Variants in CELF2 observed in about 807,000 individuals in gnomAD.
CELF2 encodes CUGBP Elav-like family member 2.
CELF2 carries 8 observed loss-of-function variants against 62.6 expected under a neutral mutation model. The ratio of observed to expected loss-of-function variants is 0.13; its 90% CI spans 0.07 to 0.23. CELF2 has a LOEUF of 0.23. Ranked by LOEUF, CELF2 falls within the 10% of genes least tolerant of loss-of-function variation. The pLI is 1.00. For missense variants in CELF2, 333 were observed against 671.0 expected, an observed-to-expected ratio of 0.50 and a Z score of 5.56; for synonymous variants, 258 against 250.0, an observed-to-expected ratio of 1.03 and a Z score of -0.30.
chr10:10,804,719 C>T (rs1225610854), intron 1 of CELF2, among the ~76,000 whole-genome samples: 1 of 152,182 alleles, frequency 6.6e-6, no homozygotes, highest in African/African-American at 2.4e-5. Flanking sequence ...AAACAGCACA[C>T]GTTGATGGGA....
At chr10:11,127,886 T>G (rs545625840) in intron 1 of CELF2, among the ~76,000 whole-genome samples, 2 of 152,246 alleles carry the variant, frequency 1.3e-5, no homozygotes, top group Non-Finnish European at 2.9e-5. Flanking sequence ...CTTAGTTTAA[T>G]TAGATCCCAT....
At position 11,321,399 on chromosome 10, in the gene CELF2, C is replaced by G. The variant is rs1565981942; in HGVS notation, c.1294+13C>G. The stretch of plus-strand genomic sequence containing the variant: ...AGCCAGAAGGAAGGTAGGTGCCGCC[C>G]TTGGCCCCAGGCAGGGCCCAGCCCA... On this transcript the variant is annotated intron_variant, in intron 11 of 12. Coordinates refer to ENST00000633077, the MANE Select transcript of CELF2 (RefSeq NM_001326342.2). This position sits in a 1 kb window ranked among gnomAD's most constrained non-coding sequence, Gnocchi z 6.2. 5 of 1,600,302 alleles carry G rather than the reference C, an allele frequency of 3.1e-6. No homozygotes were observed. The highest frequency in any genetic ancestry group is 1.1e-5 in the South Asian group (1 of 90,902).
At chr10:10,694,841 CTT>C in the CELF2 span, among the ~76,000 whole-genome samples, 1 of 151,408 alleles carries the variant, frequency 6.6e-6, no homozygotes, top group Admixed American at 6.6e-5. Flanking sequence ...CAACCCCTGC[CTT>C]TTTTTGTTTT....
chr10:10,778,674 T>C, the CELF2 span, among the ~76,000 whole-genome samples: 19 of 152,348 alleles, frequency 1.2e-4, no homozygotes, highest in African/African-American at 4.6e-4. Flanking sequence ...GCTAATAGCA[T>C]TGATTCTGGT....
rs947815677 is a variant in CELF2 at position 11,008,653 on chromosome 10, G to T, written c.53+3213G>T. On this transcript the variant is annotated intron_variant, in intron 1 of 12. Transcript: ENST00000416382. The surrounding 1 kb of genome is among the most constrained non-coding windows in gnomAD (Gnocchi z 4.5). ...TCATTGAGCACAGCCATGGAAACAC[G>T]CAGGTTCTTGGAAAGAAAGTAAAAT... Among the ~76,000 whole-genome samples the T allele has an allele frequency of 2.0e-5, 3 of 152,176 alleles. No homozygotes were observed. The highest frequency in any genetic ancestry group is 4.4e-5 in the Non-Finnish European group (3 of 68,036).
chr10:11,203,954 C>A (rs1056027864), intron 2 of CELF2, among the ~76,000 whole-genome samples: 2 of 152,156 alleles, frequency 1.3e-5, no homozygotes, highest in African/African-American at 4.8e-5. Context: ...TCTGAGCCTC[C>A]AACTGAAAGG....
the CELF2 span, among the ~76,000 whole-genome samples, chr10:10,619,122 T>C: frequency 6.6e-6 from 1 of 152,230 alleles, no homozygotes; most frequent in Non-Finnish European, 1.5e-5. Context: ...CTTTTCCTAT[T>C]GGCACAGCTG....
intron 1 of CELF2, among the ~76,000 whole-genome samples, chr10:10,910,613 T>A (rs1411603946): frequency 6.9e-6 from 1 of 144,978 alleles, no homozygotes; most frequent in East Asian, 2.1e-4. Flanking sequence ...GGCAAGAGAA[T>A]CGCTTGAACC....
intron 7 of CELF2, among the ~76,000 whole-genome samples, chr10:11,274,058 A>G (rs2085020260): frequency 1.3e-5 from 2 of 148,606 alleles, no homozygotes; most frequent in African/African-American, 5.0e-5. Context: ...TAAAATAGTG[A>G]ATTAATCTTG....
intron 3 of CELF2, among the ~76,000 whole-genome samples, chr10:11,222,194 A>C (rs2065065981): frequency 6.6e-6 from 1 of 152,186 alleles, no homozygotes; most frequent in Non-Finnish European, 1.5e-5. Context: ...ACTGGGGCCA[A>C]ATTTCATTTG....
At chr10:11,303,560 G>A (rs946649924) in intron 9 of CELF2, among the ~76,000 whole-genome samples, 3 of 152,182 alleles carry the variant, frequency 2.0e-5, no homozygotes, top group African/African-American at 4.8e-5. Flanking sequence ...AGACATCAGT[G>A]CCGCCTTCTT....
At chr10:10,999,829 A>T (rs2054343275) in intron 2 of CELF2, among the ~76,000 whole-genome samples, 1 of 152,222 alleles carries the variant, frequency 6.6e-6, no homozygotes, top group Non-Finnish European at 1.5e-5. Context: ...CTAGGAAAGG[A>T]AGATCCCCAA....
rs139285833 is a variant in CELF2, at chr10:10,888,215, A to G, written c.54-31749A>G. Reference sequence around the variant, plus strand: ...GGACAAGAGATGTAAATGGTGAAAAATCACCTTGGGTTAGATGGGAGCAGA... The same window carrying G: ...GGACAAGAGATGTAAATGGTGAAAAGTCACCTTGGGTTAGATGGGAGCAGA... On this transcript the variant is annotated intron_variant, in intron 1 of 13. Transcript: ENST00000636488. Among the ~76,000 whole-genome samples the G allele has an allele frequency of 1.2e-3, 187 of 152,356 alleles. 1 individual carries two copies. Among genetic ancestry groups the G allele is most frequent in the Non-Finnish European group, 1.9e-3 (127 of 68,036 alleles).
chr10:11,301,495 CCCCCCACCCCGCTCCCACAGCA>C (rs1183267316), intron 9 of CELF2, among the ~76,000 whole-genome samples: 902 of 54,882 alleles, frequency 0.016, 52 homozygotes, highest in African/African-American at 0.071. Context: ...CCTACCGCAC[CCCCCCACCCCGCTCCCACAGCA>C]CCCCCCACCC....
intron 1 of CELF2, among the ~76,000 whole-genome samples, chr10:11,109,769 TG>T (rs1368336198): frequency 1.7e-4 from 26 of 152,206 alleles, no homozygotes; most frequent in Non-Finnish European, 4.4e-5. Context: ...GCAACGCTTG[TG>T]CTCTGCAGGC....
the CELF2 span, among the ~76,000 whole-genome samples, chr10:10,732,468 T>A: frequency 6.6e-6 from 1 of 151,808 alleles, no homozygotes; most frequent in Admixed American, 6.6e-5. Flanking sequence ...TCAGAGTGGA[T>A]GTTCACTTTG....
At chr10:10,771,533 A>G in the CELF2 span, among the ~76,000 whole-genome samples, 2 of 152,090 alleles carry the variant, frequency 1.3e-5, no homozygotes, top group South Asian at 4.1e-4. Context: ...CATAATTCCT[A>G]TGTATTGTGG....
chr10:11,288,595 G>A, intron 9 of CELF2, 43 bp downstream of exon 9: 1 of 1,607,054 alleles, frequency 6.2e-7, no homozygotes, highest in Non-Finnish European at 8.5e-7. Flanking sequence ...GATGCAGCAG[G>A]AGTGGCAGGT....
rs560777415 is a variant in CELF2, at chr10:10,834,431, C to A, written c.53+35614C>A. ...CCAAGACACAAGTTTACCTATATAG[C>A]AAACTGCAAATGTACCCCTGAACTT... On this transcript the variant is annotated intron_variant, in intron 1 of 13. Coordinates refer to the CELF2 transcript ENST00000636488. Among the ~76,000 whole-genome samples, 9 of 152,242 alleles carry A rather than the reference C, an allele frequency of 5.9e-5. No individual in the cohort carries two copies. In the South Asian group the frequency reaches 1.7e-3, roughly 28 times the overall value.
Sources: allele counts gnomAD v4.1 joint callset (sites outside exome capture counted in the v4.1 genomes callset), GRCh38; gene constraint gnomAD v4.1.1; non-coding constraint Gnocchi (gnomAD v3.1); transcripts MANE v1.5; gene names NCBI Gene and HGNC (gene_info 2026-07-23, HGNC 2026-07-21).